NAALADL2: variants seen among roughly 807,000 people sequenced by gnomAD.
The protein encoded by NAALADL2 is inactive N-acetylated-alpha-linked acidic dipeptidase-like protein 2.
In NAALADL2, 76 loss-of-function variants were observed where a neutral mutation model predicts 87.2. That is an observed-to-expected ratio of 0.87 (90% CI 0.72 to 1.05). The LOEUF (loss-of-function observed/expected upper bound fraction) is 1.05, where lower values mean the gene tolerates loss of function less well. Ranked by LOEUF, NAALADL2 falls within the 50% of genes least tolerant of loss-of-function variation. The pLI is 0.00. For missense variants in NAALADL2, 1,089 were observed against 945.8 expected (o/e 1.15, Z -1.99); for synonymous variants, 354 against 331.0 (o/e 1.07, Z -0.75).
chr3:174,853,943 A>G lies in NAALADL2; in HGVS notation c.-9+116197A>G, dbSNP rs544304972. Among the ~76,000 whole-genome samples the G allele has an allele frequency of 7.9e-5, 12 of 152,318 alleles. No homozygotes were observed. In the East Asian group the frequency reaches 2.3e-3, roughly 29 times the overall value. On this transcript the variant is annotated intron_variant, in intron 3 of 3. Coordinates refer to the NAALADL2 transcript ENST00000434257. ...TAAACTATTATTGGGAATGTAAATT[A>G]TTATAGTCAGTATGGAAAACAGTAT...
intron 5 of NAALADL2, among the ~76,000 whole-genome samples, chr3:175,403,351 T>C (rs1711702328): frequency 6.6e-6 from 1 of 152,046 alleles, no homozygotes; most frequent in Admixed American, 6.6e-5. Flanking sequence ...AACCATTTGT[T>C]TTGTAGATGT....
At chr3:174,900,540 A>G (rs983765752) in intron 1 of NAALADL2, among the ~76,000 whole-genome samples, 5 of 151,940 alleles carry the variant, frequency 3.3e-5, no homozygotes, top group African/African-American at 9.6e-5. Context: ...TTCTATGTCA[A>G]TATTGATCAG....
At chr3:175,586,357 ACTT>A (rs1243415756) in intron 10 of NAALADL2, among the ~76,000 whole-genome samples, 11 of 152,266 alleles carry the variant, frequency 7.2e-5, no homozygotes, top group East Asian at 3.9e-4. Context: ...AAAGATCACT[ACTT>A]CTTCTTCATG....
chr3:175,645,715 G>T (rs1170380972), intron 11 of NAALADL2, among the ~76,000 whole-genome samples: 1 of 152,130 alleles, frequency 6.6e-6, no homozygotes, highest in Admixed American at 6.6e-5. Context: ...GTATAAGTCA[G>T]ACAAGAGGAA....
At chr3:174,687,877 C>T (rs544823636) in intron 2 of NAALADL2, among the ~76,000 whole-genome samples, 1 of 152,112 alleles carries the variant, frequency 6.6e-6, no homozygotes, top group African/African-American at 2.4e-5. Flanking sequence ...GGAAGTTCCC[C>T]TGCACAAGCT....
intron 13 of NAALADL2, among the ~76,000 whole-genome samples, chr3:175,769,421 G>A (rs1749179959): frequency 6.6e-6 from 1 of 152,162 alleles, no homozygotes; most frequent in South Asian, 2.1e-4. Flanking sequence ...GGATTAACTT[G>A]GGCTGAGACT....
chr3:175,553,755 G>T (rs913666568), intron 9 of NAALADL2, among the ~76,000 whole-genome samples: 2 of 151,042 alleles, frequency 1.3e-5, no homozygotes, highest in Non-Finnish European at 2.9e-5. Context: ...TTTCCATGTA[G>T]TTATTTTTAA....
At chr3:175,704,110 ACT>A (rs1445246056) in intron 11 of NAALADL2, among the ~76,000 whole-genome samples, 3 of 151,944 alleles carry the variant, frequency 2.0e-5, no homozygotes, top group Admixed American at 6.6e-5. Flanking sequence ...TCTCCCTAAG[ACT>A]CTCTGAAATT....
In NAALADL2 at chr3:174,891,480, C is replaced by G. The variant is rs192522494; in HGVS notation, c.43+32030C>G. Among the ~76,000 whole-genome samples, 109 of 152,230 alleles carry G rather than the reference C, an allele frequency of 7.2e-4. No homozygotes were observed. In the Middle Eastern group the frequency reaches 0.014, roughly 19 times the overall value. ...CCCAGCAGCAGCATGGTGCAGAGAG[C>G]CTCTCTGGGTGCTGGAGGAGGGAGA... On this transcript the variant is annotated intron_variant, in intron 1 of 13. Coordinates refer to ENST00000454872, the MANE Select transcript of NAALADL2 (RefSeq NM_207015.3).
At chr3:174,812,596 G>T (rs1314422234) in intron 3 of NAALADL2, among the ~76,000 whole-genome samples, 4 of 152,070 alleles carry the variant, frequency 2.6e-5, no homozygotes, top group Non-Finnish European at 5.9e-5. Flanking sequence ...CCTCAGGCAG[G>T]TTCTTCAAGA....
intron 1 of NAALADL2, among the ~76,000 whole-genome samples, chr3:174,541,451 A>G (rs553254954): frequency 6.6e-6 from 1 of 152,352 alleles, no homozygotes; most frequent in African/African-American, 2.4e-5. Flanking sequence ...TGATGGTTAA[A>G]TAACATGAAG....
intron 3 of NAALADL2, among the ~76,000 whole-genome samples, chr3:175,249,921 C>G (rs1419322882): frequency 6.6e-6 from 1 of 152,014 alleles, no homozygotes; most frequent in Non-Finnish European, 1.5e-5. Context: ...GTAATCCCAG[C>G]AACTTTGGGA....
chr3:174,845,188 G>T (rs1724478583), intron 3 of NAALADL2, among the ~76,000 whole-genome samples: 1 of 152,204 alleles, frequency 6.6e-6, no homozygotes, highest in African/African-American at 2.4e-5. Flanking sequence ...CTGAATGGCT[G>T]TGCAGGACTC....
At chr3:175,783,513 T>C (rs1230361687) in intron 13 of NAALADL2, among the ~76,000 whole-genome samples, 1 of 151,864 alleles carries the variant, frequency 6.6e-6, no homozygotes, top group Non-Finnish European at 1.5e-5. Flanking sequence ...TGTCTGTTAT[T>C]GGTGTATAAG....
Position 174,752,051 on chromosome 3 carries a change from C to T in NAALADL2, c.-9+14305C>T, listed in dbSNP as rs181464575. Among the ~76,000 whole-genome samples, 137 of 152,088 alleles carry T rather than the reference C, an allele frequency of 9.0e-4. 1 individual carries two copies. In the East Asian group the frequency reaches 0.022, roughly 24 times the overall value. Reference sequence around the variant, plus strand: ...GGAGTGCAGTGGCGTGATCTCGGCTCACTGCAAGCTCTGCCTCCCGGGTTC... The same window carrying T: ...GGAGTGCAGTGGCGTGATCTCGGCTTACTGCAAGCTCTGCCTCCCGGGTTC... On this transcript the variant is annotated intron_variant, in intron 3 of 3. Transcript: ENST00000434257.
chr3:175,657,379 A>G (rs1258676406), intron 11 of NAALADL2, among the ~76,000 whole-genome samples: 2 of 152,166 alleles, frequency 1.3e-5, no homozygotes, highest in Admixed American at 1.3e-4. Flanking sequence ...CATTAAATGT[A>G]AAACAACTTT....
At chr3:174,597,806 A>G (rs936641567) in intron 2 of NAALADL2, among the ~76,000 whole-genome samples, 1 of 152,188 alleles carries the variant, frequency 6.6e-6, no homozygotes, top group African/African-American at 2.4e-5. Context: ...TTTTAACCTT[A>G]GGACTCAGAG....
chr3:175,601,069 G>T (rs1027056284), intron 10 of NAALADL2, among the ~76,000 whole-genome samples: 2 of 151,578 alleles, frequency 1.3e-5, no homozygotes, highest in South Asian at 4.2e-4. Flanking sequence ...GTTTTTTTCC[G>T]CTTAGAAAAG....
chr3:175,307,838 A>G (rs1401349158), intron 4 of NAALADL2, among the ~76,000 whole-genome samples: 1 of 152,178 alleles, frequency 6.6e-6, no homozygotes, highest in Non-Finnish European at 1.5e-5. Flanking sequence ...ACACCTCACA[A>G]TGTTCTGTTG....
Sources: allele counts gnomAD v4.1 joint callset (sites outside exome capture counted in the v4.1 genomes callset), GRCh38; gene constraint gnomAD v4.1.1; transcripts MANE v1.5; gene names NCBI Gene and HGNC (gene_info 2026-07-23, HGNC 2026-07-21).